Variants in LINGO2 observed in about 807,000 individuals in gnomAD.
LINGO2 encodes the protein leucine rich repeat and Ig domain containing 2, also known as leucine-rich repeat and immunoglobulin-like domain-containing nogo receptor-interacting protein 2.
LINGO2 carries 14 observed loss-of-function variants against 30.6 expected under a neutral mutation model. That is an observed-to-expected ratio of 0.46 (90% CI 0.30 to 0.72). The LOEUF is 0.72. LINGO2 is among the 30% of genes least tolerant of loss of function. The pLI is 0.07. For synonymous variants in LINGO2, 317 were observed against 288.5 expected (o/e 1.10, Z -1.00); for missense variants, 729 against 751.7 (o/e 0.97, Z 0.35).
chr9:28,025,301 G>T (rs1285767752), intron 4 of LINGO2, among the ~76,000 whole-genome samples: 2 of 152,172 alleles, frequency 1.3e-5, no homozygotes, highest in African/African-American at 4.8e-5. Flanking sequence ...TGCCCTATGG[G>T]ATAATTTATG....
intron 1 of LINGO2, among the ~76,000 whole-genome samples, chr9:28,553,168 G>A (rs1173112488): frequency 6.6e-6 from 1 of 152,094 alleles, no homozygotes; most frequent in Non-Finnish European, 1.5e-5. Flanking sequence ...GACAAGCTGA[G>A]AGAAGAAGGC....
intron 1 of LINGO2, among the ~76,000 whole-genome samples, chr9:28,495,029 T>A (rs1819548178): frequency 6.6e-6 from 1 of 152,222 alleles, no homozygotes; most frequent in East Asian, 1.9e-4. Flanking sequence ...TTGAGAAGTG[T>A]CTGTTCATAT....
intron 3 of LINGO2, among the ~76,000 whole-genome samples, chr9:28,356,604 A>G (rs1317615112): frequency 6.6e-6 from 1 of 152,152 alleles, no homozygotes; most frequent in Non-Finnish European, 1.5e-5. Flanking sequence ...CACAATCCTA[A>G]GCAAAACGTT....
intron 1 of LINGO2, among the ~76,000 whole-genome samples, chr9:28,480,857 A>G (rs1018472903): frequency 1.3e-5 from 2 of 152,066 alleles, no homozygotes; most frequent in Non-Finnish European, 2.9e-5. Flanking sequence ...TGAAGAAACA[A>G]AAGGCATTGC....
rs372846262 is a variant in LINGO2 at position 27,957,940 on chromosome 9, G to C, written c.-35-7234C>G. ...AGTTTCATTCTTTCCTTTCTGATTTGTATACCTTCATTTTTTGTCTTTCGC... is the reference window on the plus strand; with the variant it reads ...AGTTTCATTCTTTCCTTTCTGATTTCTATACCTTCATTTTTTGTCTTTCGC... On this transcript the variant is annotated intron_variant, in intron 5 of 5. Transcript: ENST00000379992. Among the ~76,000 whole-genome samples the C allele has an allele frequency of 3.8e-4, 58 of 152,086 alleles. No individual in the cohort carries two copies. The South Asian group carries it at 0.01, about 27-fold the overall frequency.
At chr9:29,001,448 G>T in the LINGO2 span, among the ~76,000 whole-genome samples, 1 of 151,906 alleles carries the variant, frequency 6.6e-6, no homozygotes, top group African/African-American at 2.4e-5. Context: ...ACTGCTCACT[G>T]CATAGATAAG....
rs369132904 is a variant in LINGO2 at position 28,476,220 on chromosome 9, G to C, written c.-364-195C>G. Among the ~76,000 whole-genome samples, 57 of 152,260 alleles carry C rather than the reference G, an allele frequency of 3.7e-4. No individual in the cohort carries two copies. In the South Asian group the frequency reaches 0.01, roughly 27 times the overall value. On this transcript the variant is annotated intron_variant, in intron 1 of 5. Transcript: ENST00000379992. ...ATTTTGAAGTTAAGAATATTGTTAT[G>C]TTTATCTGCAATCCACGGAACATAA...
At chr9:28,718,703 C>T in the LINGO2 span, among the ~76,000 whole-genome samples, 385 of 152,078 alleles carry the variant, frequency 2.5e-3, 2 homozygotes, top group African/African-American at 9.0e-3. Context: ...CTCAACTACT[C>T]GGCTATCTTG....
chr9:29,065,977 C>G, the LINGO2 span, among the ~76,000 whole-genome samples: 1 of 151,704 alleles, frequency 6.6e-6, no homozygotes, highest in African/African-American at 2.4e-5. Flanking sequence ...AATATTTAAG[C>G]AAAGTTAAAG....
chr9:28,018,880 T>G (rs942997715), intron 4 of LINGO2, among the ~76,000 whole-genome samples: 2 of 152,110 alleles, frequency 1.3e-5, no homozygotes, highest in Non-Finnish European at 1.5e-5. Flanking sequence ...TACAGATACA[T>G]GCACACATAT....
chr9:28,360,883 G>C (rs1820412159), intron 3 of LINGO2, among the ~76,000 whole-genome samples: 1 of 151,988 alleles, frequency 6.6e-6, no homozygotes, highest in Non-Finnish European at 1.5e-5. Context: ...GAGTAACTCA[G>C]GAGGAGACAC....
chr9:28,662,567 G>C (rs1368426213), intron 1 of LINGO2, among the ~76,000 whole-genome samples: 2 of 151,936 alleles, frequency 1.3e-5, no homozygotes, highest in Non-Finnish European at 2.9e-5. Context: ...CTTATTGTTG[G>C]CCTTTGTTGC....
chr9:28,420,863 A>T (rs1823166587), intron 2 of LINGO2, among the ~76,000 whole-genome samples: 1 of 152,060 alleles, frequency 6.6e-6, no homozygotes, highest in Admixed American at 6.6e-5. Context: ...TTTTGTGGCC[A>T]TGTCGAGAGG....
the LINGO2 span, among the ~76,000 whole-genome samples, chr9:28,939,165 T>C: frequency 3.7e-5 from 2 of 53,932 alleles, no homozygotes; most frequent in Non-Finnish European, 9.1e-5. Context: ...TGTTCTGCAG[T>C]TCGAAGGCTA....
intron 4 of LINGO2, among the ~76,000 whole-genome samples, chr9:28,098,092 G>T (rs1826300575): frequency 6.6e-6 from 1 of 152,116 alleles, no homozygotes; most frequent in Admixed American, 6.5e-5. Context: ...ATCACTTGAG[G>T]TCAGGAATTT....
chr9:28,315,277 C>T (rs1299164286), intron 3 of LINGO2, among the ~76,000 whole-genome samples: 1 of 151,968 alleles, frequency 6.6e-6, no homozygotes, highest in East Asian at 1.9e-4. Context: ...AGGTGGCAGG[C>T]GCCTGTAATC....
chr9:29,154,377 G>A, the LINGO2 span, among the ~76,000 whole-genome samples: 2 of 151,372 alleles, frequency 1.3e-5, no homozygotes, highest in South Asian at 2.1e-4. Context: ...GTGAACCCGG[G>A]AGGCGGAGCT....
chr9:28,170,001 T>C (rs757013450), intron 4 of LINGO2, among the ~76,000 whole-genome samples: 11 of 152,228 alleles, frequency 7.2e-5, no homozygotes, highest in Non-Finnish European at 1.6e-4. Context: ...TTTAAAATTA[T>C]CACTGTTGCT....
the LINGO2 span, among the ~76,000 whole-genome samples, chr9:29,078,554 C>A: frequency 6.6e-6 from 1 of 151,880 alleles, no homozygotes; most frequent in Non-Finnish European, 1.5e-5. Context: ...TTAGTCATCT[C>A]CTATGGTTTT....
Sources: allele counts gnomAD v4.1 joint callset (sites outside exome capture counted in the v4.1 genomes callset), GRCh38; gene constraint gnomAD v4.1.1; transcripts MANE v1.5; gene names NCBI Gene and HGNC (gene_info 2026-07-23, HGNC 2026-07-21).